Variants in PAFAH1B2 observed in about 807,000 individuals in gnomAD.
PAFAH1B2 encodes platelet-activating factor acetylhydrolase IB subunit alpha2.
A neutral mutation model predicts 28.0 loss-of-function variants in PAFAH1B2; 8 were observed. The ratio of observed to expected loss-of-function variants is 0.29; its 90% CI spans 0.17 to 0.52. The LOEUF (loss-of-function observed/expected upper bound fraction) is 0.52, where lower values mean the gene tolerates loss of function less well. Ranked by LOEUF, PAFAH1B2 falls within the 20% of genes least tolerant of loss-of-function variation. PAFAH1B2 has a pLI of 0.97. For missense variants in PAFAH1B2, 190 were observed against 282.6 expected (o/e 0.67, Z 2.35); for synonymous variants, 104 against 103.2 (o/e 1.01, Z -0.05).
intron 1 of PAFAH1B2, among the ~76,000 whole-genome samples, chr11:117,152,106 C>T (rs1167239872): frequency 2.0e-5 from 3 of 152,286 alleles, no homozygotes; most frequent in Admixed American, 6.5e-5. Flanking sequence ...TCTAATAACT[C>T]CTTGTGTCAC....
chr11:117,172,350 A>G (rs938859541), downstream of PAFAH1B2, among the ~76,000 whole-genome samples: 1 of 2,134 alleles, frequency 4.7e-4, no homozygotes, highest in African/African-American at 1.8e-3. Context: ...TTCTAGCTTT[A>G]TATATATATA....
chr11:117,175,416 G>A (rs1037185409), downstream of PAFAH1B2: 3 of 1,070,446 alleles, frequency 2.8e-6, no homozygotes, highest in African/African-American at 4.9e-5. Context: ...AAGTTCTGCA[G>A]ACCTGGGAAC....
At chr11:117,149,643 A>G (rs531082594) in intron 1 of PAFAH1B2, among the ~76,000 whole-genome samples, 37 of 148,582 alleles carry the variant, frequency 2.5e-4, no homozygotes, top group Non-Finnish European at 5.2e-4. Flanking sequence ...CATGTTAGCC[A>G]GGATGGTCTC....
At chr11:117,152,990 C>CAGG in intron 2 of PAFAH1B2, among the ~76,000 whole-genome samples, 1 of 152,224 alleles carries the variant, frequency 6.6e-6, no homozygotes, top group East Asian at 1.9e-4. Context: ...CGCTTGAACC[C>CAGG]AGGAGGCGGA....
At chr11:117,174,938 C>T (rs758648051), downstream of PAFAH1B2, 24 of 1,521,810 alleles carry the variant, frequency 1.6e-5, no homozygotes, top group African/African-American at 1.8e-4. Context: ...TTTAACAATA[C>T]CCCTGAGCCA....
chr11:117,172,286 T>C (rs539521771), downstream of PAFAH1B2, among the ~76,000 whole-genome samples: 1 of 150,466 alleles, frequency 6.6e-6, no homozygotes, highest in Non-Finnish European at 1.5e-5. Context: ...TTGCTAAACA[T>C]ATAATATTTG....
chr11:117,162,530 T>A (rs1392470580), intron 4 of PAFAH1B2, among the ~76,000 whole-genome samples: 1 of 148,026 alleles, frequency 6.8e-6, no homozygotes, highest in African/African-American at 2.5e-5. Flanking sequence ...TTTGGGAGGC[T>A]GAGGCACGCA....
downstream of PAFAH1B2, among the ~76,000 whole-genome samples, chr11:117,172,287 A>T (rs1005656317): frequency 6.6e-6 from 1 of 150,756 alleles, no homozygotes; most frequent in African/African-American, 2.4e-5. Flanking sequence ...TGCTAAACAT[A>T]TAATATTTGT....
intron 1 of PAFAH1B2, among the ~76,000 whole-genome samples, chr11:117,150,226 C>T (rs1956118852): frequency 6.6e-6 from 1 of 152,172 alleles, no homozygotes. Context: ...TCTGTTGCTG[C>T]AACTTCCGCC....
At chr11:117,177,294 T>G (rs1043715927), downstream of PAFAH1B2, among the ~76,000 whole-genome samples, 5 of 152,174 alleles carry the variant, frequency 3.3e-5, no homozygotes, top group Non-Finnish European at 7.4e-5. Flanking sequence ...AAAAATAAAA[T>G]TTAAGAACCA....
chr11:117,163,984 C>G, intron 5 of PAFAH1B2, 92 bp downstream of exon 5: 1 of 1,333,760 alleles, frequency 7.5e-7, no homozygotes, highest in Admixed American at 1.9e-5. Flanking sequence ...TATTAGAGAA[C>G]CTTGAGGTGG....
rs150427223 is a variant in PAFAH1B2, at chr11:117,167,350, C to A, written c.412-71C>A. 869 of 1,416,534 alleles carry A rather than the reference C, an allele frequency of 6.1e-4. 11 individuals carry two copies. In the African/African-American group the frequency reaches 0.012, roughly 19 times the overall value. 87.7% of individuals were successfully genotyped at this position (1,416,534 alleles called of 1,614,324 possible). On this transcript the variant is annotated intron_variant, in intron 5 of 5. Coordinates refer to ENST00000527958, the MANE Select transcript of PAFAH1B2 (RefSeq NM_002572.4). ...CCAAATGGAGATGTTCCAGGAATAT[C>A]TGAAGTTATAAATAATAAGTAGAGA...
Position 117,145,172 on chromosome 11 carries a change from GT to G in PAFAH1B2, c.-8+757del, listed in dbSNP as rs958511400. On this transcript the variant is annotated intron_variant, in intron 1 of 5. Coordinates refer to ENST00000527958, the MANE Select transcript of PAFAH1B2 (RefSeq NM_002572.4). Reference sequence around the variant, plus strand: ...GCTAGATAAACCTGTCAGCGGAGAGGTTTGGGGGGATGTTTTTTTCCTGGCT... The same window carrying G: ...GCTAGATAAACCTGTCAGCGGAGAGGTTGGGGGGATGTTTTTTTCCTGGCT... 1.8e-4 allele frequency among the ~76,000 whole-genome samples: 28 copies of G among 152,118 alleles called. 1 individual carries two copies. The highest frequency in any genetic ancestry group is 2.9e-5 in the Non-Finnish European group (2 of 68,034).
chr11:117,148,124 T>G (rs1367398060), intron 1 of PAFAH1B2, among the ~76,000 whole-genome samples: 1 of 151,396 alleles, frequency 6.6e-6, no homozygotes, highest in Non-Finnish European at 1.5e-5. Context: ...TGATCTCTGC[T>G]CACTGCAACC....
intron 4 of PAFAH1B2, among the ~76,000 whole-genome samples, chr11:117,161,483 T>A (rs1478448472): frequency 6.6e-6 from 1 of 151,446 alleles, no homozygotes; most frequent in African/African-American, 2.4e-5. Context: ...TTATAGTTGT[T>A]ATAATTACTT....
At chr11:117,151,740 G>A (rs1371273056) in intron 1 of PAFAH1B2, among the ~76,000 whole-genome samples, 6 of 150,840 alleles carry the variant, frequency 4.0e-5, no homozygotes, top group African/African-American at 1.2e-4. Flanking sequence ...TTGCTCAGTC[G>A]CCCAGGCTGG....
intron 4 of PAFAH1B2, 25 bp from the exon 5 acceptor site, chr11:117,163,745 T>A: frequency 6.2e-7 from 1 of 1,609,544 alleles, no homozygotes; most frequent in Non-Finnish European, 8.5e-7. Flanking sequence ...ATCTTCTCCT[T>A]CCCCCCTTTT....
At chr11:117,158,196 T>A (rs1956294509) in intron 2 of PAFAH1B2, among the ~76,000 whole-genome samples, 1 of 152,098 alleles carries the variant, frequency 6.6e-6, no homozygotes, top group South Asian at 2.1e-4. Flanking sequence ...TAAAATTTGT[T>A]TTCTTTTTTC....
chr11:117,146,080 G>C (rs560597960), intron 1 of PAFAH1B2, among the ~76,000 whole-genome samples: 3 of 151,230 alleles, frequency 2.0e-5, no homozygotes, highest in Admixed American at 6.6e-5. Flanking sequence ...TTGTTCTTCA[G>C]ACCTTTTATT....
Sources: gnomAD v4.1 joint callset for allele counts (sites outside exome capture counted in the v4.1 genomes callset) on GRCh38, gnomAD v4.1.1 for gene constraint, MANE v1.5 for transcripts, NCBI Gene and HGNC (gene_info 2026-07-23, HGNC 2026-07-21) for gene names.